The following P2RX1 variants were observed in gnomAD, a reference collection of about 807,000 sequenced individuals.
P2RX1 encodes the protein P2X purinoceptor 1.
Under a neutral mutation model 50.3 loss-of-function variants are expected in P2RX1, and 42 were observed. That is an observed-to-expected ratio of 0.83 (90% CI 0.65 to 1.08). The LOEUF is 1.08. P2RX1 is among the 50% of genes least tolerant of loss of function. The pLI is 0.00. For missense variants in P2RX1, 449 were observed against 529.0 expected, an observed-to-expected ratio of 0.85 and a Z score of 1.48; for synonymous variants, 199 against 202.6, an observed-to-expected ratio of 0.98 and a Z score of 0.15.
rs113043077 is a variant in P2RX1 at position 3,903,322 on chromosome 17, C to T, written c.627G>A (p.Val209=). The change falls in exon 7 of 12, where the codon GTG becomes GTA. Residue 209 remains valine, a synonymous_variant. Transcript: ENST00000225538. This position sits in a 1 kb window ranked among gnomAD's most constrained non-coding sequence, Gnocchi z 4.6. ...GGCAGGTCTTCATGTGGGCAGCATT[C>T]ACCTCCTCCACCAGGTTGCGCCTGT... ...KVNRRNLVEE[V]NAAHMKTCLF... is the part of the protein sequence containing the mutation. 9.3e-6 allele frequency: 15 copies of T among 1,614,028 alleles called. No individual in the cohort carries two copies. In the African/African-American group the frequency reaches 1.3e-4, roughly 14 times the overall value.
At chr17:3,913,792 C>A (rs977067728) in intron 1 of P2RX1, among the ~76,000 whole-genome samples, 1 of 152,208 alleles carries the variant, frequency 6.6e-6, no homozygotes, top group African/African-American at 2.4e-5. Flanking sequence ...CTGGCAGTGC[C>A]CACAGGATCA....
At chr17:3,907,797 T>TC (rs900674534) in intron 1 of P2RX1, among the ~76,000 whole-genome samples, 1 of 151,692 alleles carries the variant, frequency 6.6e-6, no homozygotes, top group Non-Finnish European at 1.5e-5. Flanking sequence ...GCATTGCCCA[T>TC]CCCCCCACTG....
chr17:3,900,855 T>C (rs1241612002), intron 7 of P2RX1, among the ~76,000 whole-genome samples: 3 of 152,086 alleles, frequency 2.0e-5, no homozygotes, highest in Non-Finnish European at 2.9e-5. Context: ...AATTACTGCA[T>C]TAATTAAAGA....
At position 3,916,037 on chromosome 17, in the gene P2RX1, G is replaced by GAC. The variant is rs2052401747; in HGVS notation, c.137+50_137+51dup. 10 of 1,608,008 alleles carry GAC rather than the reference G, an allele frequency of 6.2e-6. No homozygotes were observed. The South Asian group carries it at 1.1e-4, about 18-fold the overall frequency. On this transcript the variant is annotated intron_variant, in intron 1 of 11. Coordinates refer to ENST00000225538, the MANE Select transcript of P2RX1 (RefSeq NM_002558.4). The stretch of plus-strand genomic sequence containing the variant: ...ACGCAAGGGATGTCAGAGTCTGGAG[G>GAC]ACAGGCCCGGGGTAGGGGCTGGTGC...
Position 3,906,657 on chromosome 17 carries a change from C to T in P2RX1, c.138-1290G>A, listed in dbSNP as rs190040311. Among the ~76,000 whole-genome samples, 103 of 152,300 alleles carry T rather than the reference C, an allele frequency of 6.8e-4. 1 individual carries two copies. Among genetic ancestry groups the T allele is most frequent in the African/African-American group, 2.3e-3 (95 of 41,564 alleles). ...CGAGGCACTGTGGGAGTGGCTCAGT[C>T]GGGAGGTCTTCCAGTTTTCTTGGGA... is the stretch of plus-strand genomic sequence containing the variant. On this transcript the variant is annotated intron_variant, in intron 1 of 11. Coordinates refer to ENST00000225538, the MANE Select transcript of P2RX1 (RefSeq NM_002558.4).
chr17:3,911,291 TTTTCTTTC>T (rs35991376), intron 1 of P2RX1, among the ~76,000 whole-genome samples: 3 of 151,258 alleles, frequency 2.0e-5, no homozygotes, highest in African/African-American at 4.8e-5. Flanking sequence ...CCCGGTCTGT[TTTTCTTTC>T]TTTCTTTCTT....
Position 3,914,202 on chromosome 17 carries a change from A to G in P2RX1, c.137+1887T>C, listed in dbSNP as rs2056411632. ...GAATATCAAGGCTGACTTTGGAGCCATGCAGGTGGGTTCAAATCCTGGTTA... is the reference window on the plus strand; with the variant it reads ...GAATATCAAGGCTGACTTTGGAGCCGTGCAGGTGGGTTCAAATCCTGGTTA... On this transcript the variant is annotated intron_variant, in intron 1 of 11. Transcript: ENST00000225538. The surrounding 1 kb of genome is among the most constrained non-coding windows in gnomAD (Gnocchi z 4.1). Among the ~76,000 whole-genome samples, 1 of 152,174 alleles carries G rather than the reference A, an allele frequency of 6.6e-6. No individual in the cohort carries two copies. Among genetic ancestry groups the G allele is most frequent in the Non-Finnish European group, 1.5e-5 (1 of 68,032 alleles).
At position 3,903,398 on chromosome 17, in the gene P2RX1, C is replaced by A. The variant is rs1567651883; in HGVS notation, c.606-55G>T. On this transcript the variant is annotated intron_variant, in intron 6 of 11. Coordinates refer to ENST00000225538, the MANE Select transcript of P2RX1 (RefSeq NM_002558.4). This position sits in a 1 kb window ranked among gnomAD's most constrained non-coding sequence, Gnocchi z 4.6. ...TGTGTGTCATCCGGGAGGGTGCCCA[C>A]CACGCCCCAAAGCCTGGGGACCCCT... is the stretch of plus-strand genomic sequence containing the variant. 1 of 1,611,674 alleles carries A rather than the reference C, an allele frequency of 6.2e-7. No homozygotes were observed. Among genetic ancestry groups the A allele is most frequent in the East Asian group, 2.2e-5 (1 of 44,824 alleles).
chr17:3,909,093 C>T, intron 1 of P2RX1, among the ~76,000 whole-genome samples: 1 of 151,956 alleles, frequency 6.6e-6, no homozygotes, highest in Non-Finnish European at 1.5e-5. Flanking sequence ...TGCGGTGGCA[C>T]GATCTTGGCT....
Position 3,903,220 on chromosome 17 carries a change from G to A in P2RX1, c.729C>T (p.Phe243=). ...GYVVQESGQN[F]STLAEKGGVV... is the part of the protein sequence containing the mutation. ...TCCATACCTTCTCAGCCAGGGTGCT[G>A]AAGTTCTGGCCTGACTCTTGCACCA... The change falls in exon 7 of 12, where the codon TTC becomes TTT. Residue 243 remains phenylalanine, a synonymous_variant. Coordinates refer to ENST00000225538, the MANE Select transcript of P2RX1 (RefSeq NM_002558.4). This position sits in a 1 kb window ranked among gnomAD's most constrained non-coding sequence, Gnocchi z 4.6. 1 of 1,614,174 alleles carries A rather than the reference G, an allele frequency of 6.2e-7. No individual in the cohort carries two copies. The highest frequency in any genetic ancestry group is 8.5e-7 in the Non-Finnish European group (1 of 1,180,040).
intron 1 of P2RX1, among the ~76,000 whole-genome samples, chr17:3,911,304 T>C (rs1387309017): frequency 6.6e-6 from 1 of 152,018 alleles, no homozygotes; most frequent in Non-Finnish European, 1.5e-5. Context: ...TCTTTCTTTC[T>C]TTCTTTCTTT....
At chr17:3,912,654 G>A (rs1429406169) in intron 1 of P2RX1, among the ~76,000 whole-genome samples, 2 of 152,136 alleles carry the variant, frequency 1.3e-5, no homozygotes, top group Non-Finnish European at 1.5e-5. Context: ...AAATCTGTTT[G>A]ATTAGACTTT....
intron 1 of P2RX1, among the ~76,000 whole-genome samples, chr17:3,908,838 TGCTCCCCA>T (rs1173730967): frequency 6.6e-6 from 1 of 152,242 alleles, no homozygotes; most frequent in Non-Finnish European, 1.5e-5. Context: ...CCAGCCCTGC[TGCTCCCCA>T]GCTGTGTGGC....
At chr17:3,899,568 G>T in intron 8 of P2RX1, 66 bp downstream of exon 8, 1 of 1,599,642 alleles carries the variant, frequency 6.3e-7, no homozygotes, top group Non-Finnish European at 8.5e-7. Flanking sequence ...GACCTGAAGT[G>T]TTCTGGGAGT....
rs79528611 is a variant in P2RX1, at chr17:3,898,643, G to A, written c.967-94C>T. The A allele has an allele frequency of 3.5e-5, 33 of 949,116 alleles. No individual in the cohort carries two copies. The Middle Eastern group carries it at 7.1e-4, about 20-fold the overall frequency. The allele number at this position is 949,116 out of a possible 1,614,324, so 58.8% of individuals were successfully genotyped here. The stretch of plus-strand genomic sequence containing the variant: ...GGGACAAGGGGACTTCCCCACCCTC[G>A]GCTGTGAACTGTCCCCACCTCGGAC... On this transcript the variant is annotated intron_variant, in intron 9 of 11. Transcript: ENST00000225538.
At position 3,905,235 on chromosome 17, in the gene P2RX1, G is replaced by C. The variant is rs765590956; in HGVS notation, c.270C>G (p.Tyr90Ter). 6.2e-7 allele frequency: 1 copy of C among 1,613,234 alleles called. No individual in the cohort carries two copies. The highest frequency in any genetic ancestry group is 1.1e-5 in the South Asian group (1 of 91,088). Reference sequence around the variant, plus strand: ...GCCAGCTCACCTGGGCTGGGAAGACGTAGTCAGCCACATCCCAGACCTGGG... The same window carrying C: ...GCCAGCTCACCTGGGCTGGGAAGACCTAGTCAGCCACATCCCAGACCTGGG... ...LGPQVWDVADYVFPAQGDNSF... is the reference protein window; with the variant it reads ...LGPQVWDVAD The change falls in exon 2 of 12, where the codon TAC (tyrosine) becomes TAG (stop). Residue 90 changes from tyrosine (Y) to a stop codon, truncating the protein, a stop_gained. Coordinates refer to ENST00000225538, the MANE Select transcript of P2RX1 (RefSeq NM_002558.4). LOFTEE classifies it high-confidence loss of function.
intron 3 of P2RX1, 163 bp downstream of exon 3, chr17:3,904,695 A>C: frequency 1.5e-6 from 1 of 661,710 alleles, no homozygotes; most frequent in Non-Finnish European, 2.7e-6. Flanking sequence ...TCAGCTCTGC[A>C]AGGGTTGACA....
In P2RX1 at chr17:3,903,728, G is replaced by T; in HGVS notation, c.525-97C>A. 7.4e-7 allele frequency: 1 copy of T among 1,345,766 alleles called. No individual in the cohort carries two copies. The highest frequency in any genetic ancestry group is 1.1e-6 in the Non-Finnish European group (1 of 944,394). 83.4% of individuals were successfully genotyped at this position (1,345,766 alleles called of 1,614,324 possible). ...CAGCAGGGGGTGGGCCGAGCCTCCGGGACCCGCCTGCAGCCCTGGGCTGGT... is the reference window on the plus strand; with the variant it reads ...CAGCAGGGGGTGGGCCGAGCCTCCGTGACCCGCCTGCAGCCCTGGGCTGGT... On this transcript the variant is annotated intron_variant, in intron 5 of 11. Coordinates refer to ENST00000225538, the MANE Select transcript of P2RX1 (RefSeq NM_002558.4). The surrounding 1 kb of genome is among the most constrained non-coding windows in gnomAD (Gnocchi z 4.6).
rs370137908 is a variant in P2RX1, at chr17:3,897,893, G to A, written c.1135-14C>T. 5.0e-6 allele frequency: 8 copies of A among 1,613,834 alleles called. No individual in the cohort carries two copies. In the East Asian group the frequency reaches 6.7e-5, roughly 13 times the overall value. On this transcript the variant is annotated splice_polypyrimidine_tract_variant and intron_variant, in intron 11 of 11. Coordinates refer to ENST00000225538, the MANE Select transcript of P2RX1 (RefSeq NM_002558.4). Reference sequence around the variant, plus strand: ...GTCACGCTCAGCCTGTGTACGTGGTGCAAGGGTTGGGGGATACAAGTCAGT... The same window carrying A: ...GTCACGCTCAGCCTGTGTACGTGGTACAAGGGTTGGGGGATACAAGTCAGT...
Sources: allele counts gnomAD v4.1 joint callset (sites outside exome capture counted in the v4.1 genomes callset), GRCh38; gene constraint gnomAD v4.1.1; non-coding constraint Gnocchi (gnomAD v3.1); transcripts MANE v1.5; gene names NCBI Gene and HGNC (gene_info 2026-07-23, HGNC 2026-07-21).